THRB: variants seen among roughly 807,000 people sequenced by gnomAD.
THRB encodes the protein thyroid hormone receptor beta.
In THRB, 12 loss-of-function variants were observed where a neutral mutation model predicts 47.8. The observed-to-expected ratio is 0.25, with a 90% CI of 0.16 to 0.41. The LOEUF is 0.41. Among genes scored for constraint, THRB ranks in the 10% least tolerant of loss-of-function variants. The pLI is 1.00. For missense variants in THRB, 348 were observed against 589.2 expected (o/e 0.59, Z 4.24); for synonymous variants, 218 against 212.2 (o/e 1.03, Z -0.24).
At chr3:24,262,634 G>C (rs771597250) in intron 3 of THRB, among the ~76,000 whole-genome samples, 1 of 152,170 alleles carries the variant, frequency 6.6e-6, no homozygotes, top group Non-Finnish European at 1.5e-5. Flanking sequence ...GATACTGTCA[G>C]AGATCTTATA....
intron 4 of THRB, among the ~76,000 whole-genome samples, chr3:24,191,470 C>T (rs116620770): frequency 0.017 from 2,606 of 152,040 alleles, 33 homozygotes; most frequent in Non-Finnish European, 0.028. Context: ...AGTGAAATTA[C>T]GAGAAGACCA....
intron 2 of THRB, among the ~76,000 whole-genome samples, 165 bp from the exon 3 acceptor site, chr3:24,297,536 A>G (rs977436500): frequency 6.6e-6 from 1 of 152,248 alleles, no homozygotes; most frequent in Non-Finnish European, 1.5e-5. Context: ...AAACAAATGC[A>G]TACTCATTAC....
At chr3:24,164,645 G>A (rs2039382979) in intron 5 of THRB, among the ~76,000 whole-genome samples, 1 of 152,164 alleles carries the variant, frequency 6.6e-6, no homozygotes, top group Non-Finnish European at 1.5e-5. Context: ...AAAGTCAAAT[G>A]AGTTTTTAAT....
intron 5 of THRB, among the ~76,000 whole-genome samples, chr3:24,176,107 A>G (rs2041116311): frequency 6.6e-6 from 1 of 151,986 alleles, no homozygotes; most frequent in South Asian, 2.1e-4. Flanking sequence ...GTCACATTGT[A>G]TATTTATTAT....
In THRB at chr3:24,119,002, T is replaced by C. The variant is rs1328653132; in HGVS notation, c.*3882A>G. The stretch of plus-strand genomic sequence containing the variant: ...TTTTTTTTTTTTTTTTTTTTTTTTT[T>C]TGAGTGTGTTTTTAATGCATTTTTT... On this transcript the variant is annotated 3_prime_UTR_variant, in exon 11 of 11. Coordinates refer to ENST00000646209, the MANE Select transcript of THRB (RefSeq NM_001354712.2). 3.0e-4 allele frequency: 32 copies of C among 107,458 alleles called. No homozygotes were observed. The highest frequency in any genetic ancestry group is 5.2e-4 in the Non-Finnish European group (29 of 55,816). 6.7% of individuals were successfully genotyped at this position (107,458 alleles called of 1,614,324 possible).
In THRB at chr3:24,121,008, A is replaced by G. The variant is rs532864738; in HGVS notation, c.*1876T>C. The G allele has an allele frequency of 6.6e-6, 1 of 152,104 alleles. No individual in the cohort carries two copies. The highest frequency in any genetic ancestry group is 1.5e-5 in the Non-Finnish European group (1 of 68,020). 9.4% of individuals were successfully genotyped at this position (152,104 alleles called of 1,614,324 possible). A position where few individuals can be genotyped will look rare whatever the true frequency, so the allele number is the denominator to read the frequency against. On this transcript the variant is annotated 3_prime_UTR_variant, in exon 11 of 11. Coordinates refer to ENST00000646209, the MANE Select transcript of THRB (RefSeq NM_001354712.2). Reference sequence around the variant, plus strand: ...CAAGGCCTCTAAATGGTTGACTAGTATTGTGTCAAATTATTATTTCGAGCC... The same window carrying G: ...CAAGGCCTCTAAATGGTTGACTAGTGTTGTGTCAAATTATTATTTCGAGCC...
intron 1 of THRB, among the ~76,000 whole-genome samples, chr3:24,410,298 A>G (rs1038106779): frequency 8.6e-5 from 13 of 151,870 alleles, no homozygotes; most frequent in Admixed American, 6.6e-4. Context: ...TTCATTCTGA[A>G]ATTGAGACTA....
chr3:24,141,470 C>G (rs2035432638), intron 8 of THRB, among the ~76,000 whole-genome samples: 1 of 152,212 alleles, frequency 6.6e-6, no homozygotes, highest in South Asian at 2.1e-4. Flanking sequence ...ACTCTTCATC[C>G]CATCACACTG....
At chr3:24,143,830 G>A in intron 7 of THRB, 124 bp from the exon 8 acceptor site, 1 of 957,556 alleles carries the variant, frequency 1.0e-6, no homozygotes, top group Non-Finnish European at 1.6e-6. Flanking sequence ...GTCCTTCGGG[G>A]TGGGTCACAC....
At chr3:24,277,341 C>T (rs1033792736) in intron 3 of THRB, among the ~76,000 whole-genome samples, 1 of 152,150 alleles carries the variant, frequency 6.6e-6, no homozygotes, top group African/African-American at 2.4e-5. Context: ...AGCAGAGAAT[C>T]ATCTGGTTCA....
At chr3:24,206,913 TCCTGGACACATACAC>T (rs1200730733) in intron 4 of THRB, among the ~76,000 whole-genome samples, 1 of 152,104 alleles carries the variant, frequency 6.6e-6, no homozygotes, top group Non-Finnish European at 1.5e-5. Flanking sequence ...ATGGATAAAT[TCCTGGACACATACAC>T]CCTCCCAAGA....
intron 1 of THRB, among the ~76,000 whole-genome samples, chr3:24,368,043 C>G (rs2064610072): frequency 6.6e-6 from 1 of 152,116 alleles, no homozygotes; most frequent in African/African-American, 2.4e-5. Context: ...TCATAGTTCA[C>G]TAATCCCACA....
intron 5 of THRB, among the ~76,000 whole-genome samples, chr3:24,185,227 G>A (rs1159338659): frequency 6.6e-6 from 1 of 152,054 alleles, no homozygotes; most frequent in African/African-American, 2.4e-5. Context: ...TGAAAGTCAG[G>A]ACTCAGAATA....
intron 1 of THRB, among the ~76,000 whole-genome samples, chr3:24,386,646 A>C (rs988442213): frequency 7.9e-5 from 12 of 152,066 alleles, no homozygotes; most frequent in African/African-American, 2.7e-4. Context: ...AGTTCCCTTC[A>C]GTTTGAATGC....
intron 4 of THRB, among the ~76,000 whole-genome samples, chr3:24,205,476 G>A (rs2045218175): frequency 6.6e-6 from 1 of 152,160 alleles, no homozygotes; most frequent in Admixed American, 6.5e-5. Flanking sequence ...CACCAGGCCT[G>A]CCCTACAAGA....
intron 3 of THRB, among the ~76,000 whole-genome samples, chr3:24,238,320 A>T (rs2049128056): frequency 7.7e-6 from 1 of 129,434 alleles, no homozygotes; most frequent in South Asian, 2.6e-4. Context: ...TGATGAACGG[A>T]TTGGAAACAC....
At position 24,338,043 on chromosome 3, in the gene THRB, G is replaced by A. The variant is rs536710387; in HGVS notation, c.-260-672C>T. 5.6e-4 allele frequency among the ~76,000 whole-genome samples: 85 copies of A among 152,280 alleles called. 1 individual carries two copies. Among genetic ancestry groups the A allele is most frequent in the African/African-American group, 1.9e-3 (81 of 41,556 alleles). On this transcript the variant is annotated intron_variant, in intron 1 of 10. Transcript: ENST00000646209. ...CTGCCTGCATGGCAAGTGACAAGCCGCTTTTCAACTAACTGCAGTCCTACA... is the reference window on the plus strand; with the variant it reads ...CTGCCTGCATGGCAAGTGACAAGCCACTTTTCAACTAACTGCAGTCCTACA...
intron 1 of THRB, among the ~76,000 whole-genome samples, chr3:24,430,352 T>C (rs1235384426): frequency 1.3e-5 from 2 of 152,092 alleles, no homozygotes; most frequent in East Asian, 3.9e-4. Context: ...ATGAGAGGCT[T>C]TGCATTGAAG....
intron 1 of THRB, among the ~76,000 whole-genome samples, chr3:24,424,701 G>GT (rs2069589692): frequency 6.6e-6 from 1 of 151,802 alleles, no homozygotes; most frequent in African/African-American, 2.4e-5. Context: ...AAGGTATCTT[G>GT]TTTTTTAAAA....
Sources: gnomAD v4.1 joint callset for allele counts (sites outside exome capture counted in the v4.1 genomes callset) on GRCh38, gnomAD v4.1.1 for gene constraint, MANE v1.5 for transcripts, NCBI Gene and HGNC (gene_info 2026-07-23, HGNC 2026-07-21) for gene names.